Variants in KCNQ5 observed in about 807,000 individuals in gnomAD.
KCNQ5 encodes the protein potassium voltage-gated channel subfamily Q member 5.
KCNQ5 carries 30 observed loss-of-function variants against 98.2 expected under a neutral mutation model. That is an observed-to-expected ratio of 0.31 (90% CI 0.23 to 0.41). The LOEUF is 0.41. Among genes scored for constraint, KCNQ5 ranks in the 10% least tolerant of loss-of-function variants. The pLI is 1.00. For missense variants in KCNQ5, 835 were observed against 1,182.5 expected (o/e 0.71, Z 4.31); for synonymous variants, 458 against 449.4 (o/e 1.02, Z -0.24).
At chr6:72,699,512 C>A (rs115231331) in intron 1 of KCNQ5, among the ~76,000 whole-genome samples, 5,874 of 152,084 alleles carry the variant, frequency 0.039, 126 homozygotes, top group Middle Eastern at 0.13. Context: ...TTTTTCTTAC[C>A]AGGAGAGTTA....
rs1765866123 is a variant in KCNQ5 at position 73,198,195 on chromosome 6, CCTT to C, written c.*2786_*2788del. Reference sequence around the variant, plus strand: ...TGCTTTCTGAGTACAAGTGTGTCTGCCTTCTTCAACATGTAGGGTTGATCAAGC... The same window carrying C: ...TGCTTTCTGAGTACAAGTGTGTCTGCCTTCAACATGTAGGGTTGATCAAGC... On this transcript the variant is annotated 3_prime_UTR_variant, in exon 14 of 14. Coordinates refer to ENST00000370398, the MANE Select transcript of KCNQ5 (RefSeq NM_019842.4). 6.6e-6 allele frequency: 1 copy of C among 152,120 alleles called. No individual in the cohort carries two copies. Among genetic ancestry groups the C allele is most frequent in the Admixed American group, 6.6e-5 (1 of 15,266 alleles). 9.4% of individuals were successfully genotyped at this position (152,120 alleles called of 1,614,324 possible).
At chr6:73,121,063 G>T (rs911585551) in intron 8 of KCNQ5, among the ~76,000 whole-genome samples, 3 of 152,068 alleles carry the variant, frequency 2.0e-5, no homozygotes, top group African/African-American at 7.2e-5. Flanking sequence ...ACTCACATCA[G>T]TGGCAAAAAA....
chr6:72,926,767 G>A (rs2350092), intron 1 of KCNQ5, among the ~76,000 whole-genome samples: 34 of 152,128 alleles, frequency 2.2e-4, no homozygotes, highest in Admixed American at 5.2e-4. Flanking sequence ...TCTGAAAAAC[G>A]TCCTAAGATT....
intron 10 of KCNQ5, chr6:73,136,607 T>C (rs536753116): frequency 1.3e-5 from 2 of 152,360 alleles, no homozygotes; most frequent in African/African-American, 4.8e-5. Context: ...TGCTGTTCTG[T>C]TGAAATTACT....
intron 3 of KCNQ5, among the ~76,000 whole-genome samples, chr6:73,053,333 G>A (rs1268337463): frequency 6.6e-6 from 1 of 152,068 alleles, no homozygotes; most frequent in Non-Finnish European, 1.5e-5. Flanking sequence ...GTATTAGACA[G>A]GTCATTGAGG....
At chr6:72,703,540 T>A (rs888154339) in intron 1 of KCNQ5, among the ~76,000 whole-genome samples, 1 of 152,202 alleles carries the variant, frequency 6.6e-6, no homozygotes, top group African/African-American at 2.4e-5. Flanking sequence ...AAATAGTTAG[T>A]TAAACCATTT....
chr6:72,723,860 C>T (rs144110006), intron 1 of KCNQ5, among the ~76,000 whole-genome samples: 92 of 152,206 alleles, frequency 6.0e-4, no homozygotes, highest in African/African-American at 2.1e-3. Flanking sequence ...TATTTTAGTG[C>T]AGATGAGAAC....
At chr6:73,189,697 A>G (rs1240852504) in intron 11 of KCNQ5, among the ~76,000 whole-genome samples, 1 of 152,244 alleles carries the variant, frequency 6.6e-6, no homozygotes, top group South Asian at 2.1e-4. Flanking sequence ...CTCTGCTTTC[A>G]TCAGAAATTG....
At chr6:72,869,277 C>CAA (rs1251867906) in intron 1 of KCNQ5, among the ~76,000 whole-genome samples, 3 of 152,184 alleles carry the variant, frequency 2.0e-5, no homozygotes, top group African/African-American at 7.2e-5. Context: ...CCCCAGTTGT[C>CAA]AAACCGGAAT....
intron 2 of KCNQ5, among the ~76,000 whole-genome samples, chr6:73,014,040 C>T (rs1770202211): frequency 6.6e-6 from 1 of 152,104 alleles, no homozygotes; most frequent in African/African-American, 2.4e-5. Flanking sequence ...GTTCACTTTG[C>T]TCAGGTGAGT....
At chr6:72,649,590 C>T (rs1765774097) in intron 1 of KCNQ5, among the ~76,000 whole-genome samples, 1 of 152,120 alleles carries the variant, frequency 6.6e-6, no homozygotes, top group South Asian at 2.1e-4. Flanking sequence ...CACAAATGAC[C>T]AGAATATACA....
At chr6:73,141,943 T>C (rs1388046488) in intron 10 of KCNQ5, among the ~76,000 whole-genome samples, 1 of 152,198 alleles carries the variant, frequency 6.6e-6, no homozygotes, top group Non-Finnish European at 1.5e-5. Context: ...AGCTGAATGG[T>C]TATGGCTCAA....
chr6:72,810,630 C>T (rs533089993), intron 1 of KCNQ5, among the ~76,000 whole-genome samples: 51 of 152,298 alleles, frequency 3.3e-4, no homozygotes, highest in African/African-American at 1.2e-3. Flanking sequence ...CTTCCAGCTA[C>T]TATAATGTTA....
Position 72,941,390 on chromosome 6 carries a change from TCCTC to T in KCNQ5, c.399-62516_399-62513del, listed in dbSNP as rs1382154472. 5.6e-4 allele frequency among the ~76,000 whole-genome samples: 49 copies of T among 87,610 alleles called. 1 individual carries two copies. The highest frequency in any genetic ancestry group is 1.2e-3 in the African/African-American group (43 of 34,430). The allele number at this position is 87,610 out of a possible 152,430, so 57.5% of individuals were successfully genotyped here. On this transcript the variant is annotated intron_variant, in intron 1 of 13. Coordinates refer to ENST00000370398, the MANE Select transcript of KCNQ5 (RefSeq NM_019842.4). ...CTTCCTTCTTTCCTCCTTCCTTCCTTCCTCCTTTCCTCCTTCCCTCCCTCCCTTC... is the reference window on the plus strand; with the variant it reads ...CTTCCTTCTTTCCTCCTTCCTTCCTTCTTTCCTCCTTCCCTCCCTCCCTTC...
intron 1 of KCNQ5, among the ~76,000 whole-genome samples, chr6:72,952,287 C>T (rs538795913): frequency 6.6e-6 from 1 of 152,276 alleles, no homozygotes; most frequent in East Asian, 1.9e-4. Flanking sequence ...GTAGTTTCTC[C>T]CTTTCATTTG....
intron 1 of KCNQ5, among the ~76,000 whole-genome samples, chr6:72,755,272 G>A (rs1171412561): frequency 6.6e-6 from 1 of 151,892 alleles, no homozygotes; most frequent in Non-Finnish European, 1.5e-5. Context: ...TTTATTTATA[G>A]AGTTGGGACT....
intron 1 of KCNQ5, among the ~76,000 whole-genome samples, chr6:72,807,164 C>A (rs1774997462): frequency 1.3e-5 from 2 of 151,986 alleles, no homozygotes; most frequent in African/African-American, 2.4e-5. Flanking sequence ...AATATTGAAA[C>A]AGTGAATTTT....
intron 1 of KCNQ5, among the ~76,000 whole-genome samples, chr6:72,934,210 C>G (rs1228353576): frequency 6.6e-6 from 1 of 152,218 alleles, no homozygotes; most frequent in Non-Finnish European, 1.5e-5. Flanking sequence ...GAACATACAT[C>G]TAGGGACAGA....
intron 1 of KCNQ5, among the ~76,000 whole-genome samples, chr6:72,850,006 T>G (rs758576259): frequency 3.9e-4 from 59 of 152,216 alleles, no homozygotes; most frequent in Non-Finnish European, 6.6e-4. Context: ...CTACAGAGAA[T>G]GTTTTTTGAA....
Sources: gnomAD v4.1 joint callset for allele counts (sites outside exome capture counted in the v4.1 genomes callset) on GRCh38, gnomAD v4.1.1 for gene constraint, MANE v1.5 for transcripts, NCBI Gene and HGNC (gene_info 2026-07-23, HGNC 2026-07-21) for gene names.